Variants in KCNQ5 observed in about 807,000 individuals in gnomAD.
KCNQ5 encodes potassium voltage-gated channel subfamily Q member 5, also known as potassium voltage-gated channel subfamily KQT member 5.
In KCNQ5, 30 loss-of-function variants were observed where a neutral mutation model predicts 98.2. That is an observed-to-expected ratio of 0.31 (90% confidence interval 0.23 to 0.41). KCNQ5 has a LOEUF of 0.41. Ranked by LOEUF, KCNQ5 falls within the 10% of genes least tolerant of loss-of-function variation. The pLI is 1.00. For missense variants in KCNQ5, 835 were observed against 1,182.5 expected (o/e 0.71, Z 4.31); for synonymous variants, 458 against 449.4 (o/e 1.02, Z -0.24).
chr6:72,920,606 C>T (rs1780349353), intron 1 of KCNQ5, among the ~76,000 whole-genome samples: 1 of 152,140 alleles, frequency 6.6e-6, no homozygotes, highest in Non-Finnish European at 1.5e-5. Context: ...ATTTTTCTGA[C>T]ATTTATTTGA....
intron 6 of KCNQ5, among the ~76,000 whole-genome samples, chr6:73,108,677 A>G (rs2150423799): frequency 6.6e-6 from 1 of 152,078 alleles, no homozygotes; most frequent in South Asian, 2.1e-4. Context: ...AATACAAAAA[A>G]TCAGCCAGGC....
intron 1 of KCNQ5, among the ~76,000 whole-genome samples, chr6:72,999,834 G>T: frequency 6.6e-6 from 1 of 152,154 alleles, no homozygotes; most frequent in East Asian, 1.9e-4. Context: ...TATTCAAGAT[G>T]AAACAATTAT....
chr6:72,916,780 A>G (rs1475481014), intron 1 of KCNQ5, among the ~76,000 whole-genome samples: 1 of 152,126 alleles, frequency 6.6e-6, no homozygotes, highest in African/African-American at 2.4e-5. Context: ...TACCCCCCCA[A>G]AAAAAGTTTA....
chr6:73,099,508 C>T (rs866068474), intron 5 of KCNQ5, among the ~76,000 whole-genome samples: 20 of 151,896 alleles, frequency 1.3e-4, no homozygotes, highest in African/African-American at 2.9e-4. Flanking sequence ...AAATGGAAAC[C>T]GAAAAAGAGC....
intron 1 of KCNQ5, among the ~76,000 whole-genome samples, chr6:72,705,400 A>G (rs1415806906): frequency 6.6e-6 from 1 of 152,162 alleles, no homozygotes; most frequent in Non-Finnish European, 1.5e-5. Context: ...CAAGATATAG[A>G]TGTTAGAATT....
intron 1 of KCNQ5, among the ~76,000 whole-genome samples, chr6:72,930,826 T>C (rs914695117): frequency 7.2e-5 from 11 of 152,130 alleles, no homozygotes; most frequent in African/African-American, 9.7e-5. Flanking sequence ...GAGTAAACCA[T>C]TGGTTTACTT....
chr6:73,091,442 G>T (rs1292476282), intron 5 of KCNQ5, among the ~76,000 whole-genome samples: 1 of 151,896 alleles, frequency 6.6e-6, no homozygotes, highest in Non-Finnish European at 1.5e-5. Context: ...TGCACTTTGT[G>T]CACATGTACC....
intron 1 of KCNQ5, among the ~76,000 whole-genome samples, chr6:72,678,909 T>G (rs1228874932): frequency 2.6e-5 from 4 of 152,222 alleles, no homozygotes; most frequent in Non-Finnish European, 5.9e-5. Context: ...TTCTTTTATC[T>G]TATTAGAAAA....
chr6:73,079,568 A>C (rs1773682155), intron 5 of KCNQ5, among the ~76,000 whole-genome samples: 1 of 152,208 alleles, frequency 6.6e-6, no homozygotes, highest in South Asian at 2.1e-4. Flanking sequence ...TAAAATGAAT[A>C]AAAATGAGAA....
intron 5 of KCNQ5, among the ~76,000 whole-genome samples, chr6:73,102,353 C>T (rs1774818690): frequency 6.6e-6 from 1 of 152,046 alleles, no homozygotes; most frequent in Non-Finnish European, 1.5e-5. Context: ...AGTAATATCC[C>T]ACAAGCACAG....
chr6:73,046,392 C>A (rs73753233), intron 3 of KCNQ5, among the ~76,000 whole-genome samples: 275 of 152,248 alleles, frequency 1.8e-3, no homozygotes, highest in African/African-American at 6.2e-3. Context: ...ATGTGATTAA[C>A]TGGACCATCT....
intron 1 of KCNQ5, among the ~76,000 whole-genome samples, chr6:72,910,922 C>A (rs1430849183): frequency 6.6e-6 from 1 of 152,104 alleles, no homozygotes; most frequent in African/African-American, 2.4e-5. Context: ...TTGTTTTAGA[C>A]ACTTGCAAGG....
At position 72,863,209 on chromosome 6, in the gene KCNQ5, C is replaced by T. The variant is rs149353038; in HGVS notation, c.399-140699C>T. Among the ~76,000 whole-genome samples, 1,041 of 152,194 alleles carry T rather than the reference C, an allele frequency of 6.8e-3. 12 individuals are homozygous for T. Among genetic ancestry groups the T allele is most frequent in the Non-Finnish European group, 6.9e-3 (468 of 68,016 alleles). On this transcript the variant is annotated intron_variant, in intron 1 of 13. Coordinates refer to ENST00000370398, the MANE Select transcript of KCNQ5 (RefSeq NM_019842.4). Reference sequence around the variant, plus strand: ...TGGCCCCAGGCTTCTAGGAAAAAAACAGCCTTTTCCTGCCCATACTAAATA... The same window carrying T: ...TGGCCCCAGGCTTCTAGGAAAAAAATAGCCTTTTCCTGCCCATACTAAATA...
At chr6:73,087,559 C>T (rs1774040630) in intron 5 of KCNQ5, among the ~76,000 whole-genome samples, 1 of 151,824 alleles carries the variant, frequency 6.6e-6, no homozygotes, top group Admixed American at 6.6e-5. Flanking sequence ...ATAAAAGTGG[C>T]ATTTAAATCT....
At chr6:72,723,345 T>C (rs541868811) in intron 1 of KCNQ5, among the ~76,000 whole-genome samples, 1 of 152,316 alleles carries the variant, frequency 6.6e-6, no homozygotes, top group Non-Finnish European at 1.5e-5. Context: ...TTAGTATGTG[T>C]TAACTTATTA....
chr6:73,021,657 A>T (rs959511430), intron 2 of KCNQ5, among the ~76,000 whole-genome samples: 9 of 152,338 alleles, frequency 5.9e-5, no homozygotes, highest in South Asian at 2.1e-4. Context: ...GAATGAGTAG[A>T]TTCAGGTTTT....
chr6:73,135,052 A>T (rs1348588167), intron 10 of KCNQ5: 1 of 152,234 alleles, frequency 6.6e-6, no homozygotes, highest in Non-Finnish European at 1.5e-5. Context: ...GGCAAAATAT[A>T]TTAAAAGTCT....
At chr6:73,137,139 A>C (rs1181086904) in intron 10 of KCNQ5, among the ~76,000 whole-genome samples, 1 of 152,236 alleles carries the variant, frequency 6.6e-6, no homozygotes, top group Non-Finnish European at 1.5e-5. Flanking sequence ...TGTAAATTTT[A>C]ATAATTCCTG....
chr6:72,843,282 C>T (rs1776877861), intron 1 of KCNQ5, among the ~76,000 whole-genome samples: 1 of 152,118 alleles, frequency 6.6e-6, no homozygotes, highest in African/African-American at 2.4e-5. Context: ...TGTCAAAGAT[C>T]AGATGATTGT....
Sources: gnomAD v4.1 joint callset for allele counts (sites outside exome capture counted in the v4.1 genomes callset) on GRCh38, gnomAD v4.1.1 for gene constraint, MANE v1.5 for transcripts, NCBI Gene and HGNC (gene_info 2026-07-23, HGNC 2026-07-21) for gene names.